Variants in MAPK10 observed in about 807,000 individuals in gnomAD.
MAPK10 encodes the protein JNK3 alpha protein kinase.
In MAPK10, 25 loss-of-function variants were observed where a neutral mutation model predicts 59.3. The ratio of observed to expected loss-of-function variants is 0.42; its 90% confidence interval spans 0.31 to 0.59. MAPK10 has a LOEUF of 0.59. Ranked by LOEUF, MAPK10 falls within the 20% of genes least tolerant of loss-of-function variation. The pLI is 0.15. For missense variants in MAPK10, 351 were observed against 568.9 expected, an observed-to-expected ratio of 0.62 and a Z score of 3.90; for synonymous variants, 190 against 200.5, an observed-to-expected ratio of 0.95 and a Z score of 0.44.
chr4:86,109,589 T>C (rs1457446250), intron 4 of MAPK10, among the ~76,000 whole-genome samples: 1 of 152,236 alleles, frequency 6.6e-6, no homozygotes, highest in East Asian at 1.9e-4. Context: ...GACTGCATAG[T>C]ATTTCATGAT....
chr4:86,512,214 T>A (rs930861264), intron 1 of MAPK10, among the ~76,000 whole-genome samples: 3 of 152,210 alleles, frequency 2.0e-5, no homozygotes, highest in African/African-American at 7.2e-5. Context: ...AAATATTTAC[T>A]TTTTCTTCTT....
chr4:86,442,809 G>T (rs996889627), intron 1 of MAPK10, among the ~76,000 whole-genome samples: 1 of 151,986 alleles, frequency 6.6e-6, no homozygotes. Context: ...TTCTCCGAAT[G>T]ATATTTGGGA....
intron 11 of MAPK10, among the ~76,000 whole-genome samples, chr4:86,036,096 T>C (rs1022511295): frequency 2.0e-5 from 3 of 152,178 alleles, no homozygotes; most frequent in African/African-American, 4.8e-5. Flanking sequence ...GTCAAGCAAG[T>C]AGAATTTCAC....
intron 4 of MAPK10, among the ~76,000 whole-genome samples, chr4:86,115,585 C>G (rs943906868): frequency 1.3e-5 from 2 of 152,174 alleles, no homozygotes; most frequent in African/African-American, 4.8e-5. Flanking sequence ...CCTCAGCCTC[C>G]TGAGTAGCTG....
chr4:86,251,163 TTATTTTATTTTATTTA>T (rs1272199788), intron 2 of MAPK10, among the ~76,000 whole-genome samples: 1 of 151,718 alleles, frequency 6.6e-6, no homozygotes, highest in African/African-American at 2.4e-5. Context: ...TTATTTTATT[TTATTTTATTTTATTTA>T]TTTTTTTAAT....
At chr4:86,469,169 G>A (rs1041617803) in intron 1 of MAPK10, among the ~76,000 whole-genome samples, 1 of 151,496 alleles carries the variant, frequency 6.6e-6, no homozygotes, top group Non-Finnish European at 1.5e-5. Flanking sequence ...GGAAGCTGAG[G>A]TGGTTGTCCC....
intron 9 of MAPK10, among the ~76,000 whole-genome samples, chr4:86,096,822 C>T (rs901530028): frequency 6.6e-6 from 1 of 151,760 alleles, no homozygotes; most frequent in African/African-American, 2.4e-5. Context: ...ATAAATTTTC[C>T]TAAGTAGCCA....
chr4:86,359,288 C>CTCTCTCTGTGTGTGTG (rs796310826), intron 1 of MAPK10, among the ~76,000 whole-genome samples: 114 of 94,612 alleles, frequency 1.2e-3, no homozygotes, highest in African/African-American at 4.0e-3. Context: ...CTCTCTCTCT[C>CTCTCTCTGTGTGTGTG]TGTGTGTGTG....
At chr4:86,333,863 T>C (rs1419733051) in intron 2 of MAPK10, among the ~76,000 whole-genome samples, 1 of 152,222 alleles carries the variant, frequency 6.6e-6, no homozygotes. Context: ...GCCTGGCACA[T>C]AGTAAGTGTC....
chr4:86,179,976 A>AAC (rs1039309864), intron 3 of MAPK10, among the ~76,000 whole-genome samples: 23 of 149,054 alleles, frequency 1.5e-4, no homozygotes, highest in African/African-American at 5.1e-4. Flanking sequence ...AACAAAACAA[A>AAC]AAAAAATGGA....
chr4:86,580,405 A>T (rs1762183163), intron 1 of MAPK10, among the ~76,000 whole-genome samples: 1 of 151,994 alleles, frequency 6.6e-6, no homozygotes, highest in South Asian at 2.1e-4. Context: ...AGGCTGAGGC[A>T]GGAGAATTGC....
chr4:86,166,795 G>A (rs557400648), intron 3 of MAPK10, among the ~76,000 whole-genome samples: 12 of 152,072 alleles, frequency 7.9e-5, no homozygotes, highest in African/African-American at 2.7e-4. Flanking sequence ...GCTTCAAAAA[G>A]CGATGTGCTC....
intron 2 of MAPK10, among the ~76,000 whole-genome samples, chr4:86,321,306 T>C (rs2095885049): frequency 6.6e-6 from 1 of 151,796 alleles, no homozygotes; most frequent in South Asian, 2.1e-4. Flanking sequence ...TGCGGCACTA[T>C]TCACAATAGC....
rs551561820 is a variant in MAPK10, at chr4:86,134,112, T to C, written c.236+25186A>G. 3.2e-4 allele frequency among the ~76,000 whole-genome samples: 48 copies of C among 152,342 alleles called. 1 individual carries two copies. The South Asian group carries it at 9.5e-3, about 30-fold the overall frequency. On this transcript the variant is annotated intron_variant, in intron 4 of 13. Coordinates refer to ENST00000641462, the MANE Select transcript of MAPK10 (RefSeq NM_138982.4). ...ACTCTGATAAAATTATTTTCTTACATTGAGCCAAAATCTAAGTCCTATTAA... is the reference window on the plus strand; with the variant it reads ...ACTCTGATAAAATTATTTTCTTACACTGAGCCAAAATCTAAGTCCTATTAA...
At chr4:86,534,108 T>C (rs1758048668) in intron 1 of MAPK10, among the ~76,000 whole-genome samples, 1 of 152,074 alleles carries the variant, frequency 6.6e-6, no homozygotes, top group African/African-American at 2.4e-5. Context: ...CACATAATGT[T>C]TCCTTATATT....
intron 3 of MAPK10, among the ~76,000 whole-genome samples, chr4:86,163,483 T>A (rs1450929077): frequency 4.6e-5 from 7 of 152,144 alleles, no homozygotes; most frequent in Admixed American, 6.5e-5. Flanking sequence ...TACATTTTAG[T>A]GTTTCCTGAG....
chr4:86,041,913 C>CA (rs2041612725), intron 11 of MAPK10, among the ~76,000 whole-genome samples: 1 of 152,194 alleles, frequency 6.6e-6, no homozygotes, highest in Admixed American at 6.5e-5. Context: ...TGTAGTGATT[C>CA]CTCAAAGATC....
intron 9 of MAPK10, among the ~76,000 whole-genome samples, chr4:86,077,994 T>C (rs1258919044): frequency 6.6e-6 from 1 of 152,214 alleles, no homozygotes; most frequent in African/African-American, 2.4e-5. Flanking sequence ...TATTAAACTG[T>C]GGTTCCCAAA....
At chr4:86,127,867 T>G (rs1052365358) in intron 4 of MAPK10, among the ~76,000 whole-genome samples, 1 of 152,086 alleles carries the variant, frequency 6.6e-6, no homozygotes, top group Non-Finnish European at 1.5e-5. Context: ...TACCCTCACA[T>G]TGATCACTAT....
Sources: allele counts gnomAD v4.1 joint callset (sites outside exome capture counted in the v4.1 genomes callset), GRCh38; gene constraint gnomAD v4.1.1; transcripts MANE v1.5; gene names NCBI Gene and HGNC (gene_info 2026-07-23, HGNC 2026-07-21).